UGT1A10: variants seen among roughly 807,000 people sequenced by gnomAD.
UGT1A10 encodes UDP glucuronosyltransferase family 1 member A10.
A neutral mutation model predicts 45.8 loss-of-function variants in UGT1A10; 49 were observed. The ratio of observed to expected loss-of-function variants is 1.07; its 90% CI spans 0.85 to 1.36. UGT1A10 has a LOEUF of 1.36. UGT1A10 is among the 40% of genes most tolerant of loss of function. The probability of loss-of-function intolerance (pLI) is 0.00; values close to 1 mark genes in which losing one functional copy is unlikely to be tolerated. For missense variants in UGT1A10, 745 were observed against 668.6 expected (o/e 1.11, Z -1.26); for synonymous variants, 284 against 249.7 (o/e 1.14, Z -1.29).
At chr2:233,713,345 CA>C in intron 1 of UGT1A10, 1 of 1,614,188 alleles carries the variant, frequency 6.2e-7, no homozygotes, top group Admixed American at 1.7e-5. Flanking sequence ...CAATTATGAA[CA>C]ATATGTCTTT....
chr2:233,696,816 T>A (rs562285959), intron 1 of UGT1A10, among the ~76,000 whole-genome samples: 1 of 152,328 alleles, frequency 6.6e-6, no homozygotes, highest in Admixed American at 6.5e-5. Flanking sequence ...GCCAGTTTAT[T>A]GAGAGTGTGT....
chr2:233,760,562 T>C (rs1218423176), intron 1 of UGT1A10: 6 of 1,614,228 alleles, frequency 3.7e-6, no homozygotes, highest in East Asian at 2.2e-5. Flanking sequence ...AAAGAGTCTT[T>C]TGTTAGTCTC....
chr2:233,701,897 G>T (rs1185390502), intron 1 of UGT1A10, among the ~76,000 whole-genome samples: 1 of 152,020 alleles, frequency 6.6e-6, no homozygotes, highest in Non-Finnish European at 1.5e-5. Flanking sequence ...AAGCAGAAAA[G>T]ATCTAAAATT....
chr2:233,677,311 C>T (rs2074387124), intron 1 of UGT1A10, among the ~76,000 whole-genome samples: 1 of 152,062 alleles, frequency 6.6e-6, no homozygotes, highest in South Asian at 2.1e-4. Flanking sequence ...ATCCAGTTTT[C>T]AAGTGTTCAT....
rs1427279208 is a variant in UGT1A10 at position 233,769,059 on chromosome 2, C to T, written c.1295+620C>T. Among the ~76,000 whole-genome samples, 3 of 152,006 alleles carry T rather than the reference C, an allele frequency of 2.0e-5. No individual in the cohort carries two copies. Among genetic ancestry groups the T allele is most frequent in the African/African-American group, 4.8e-5 (2 of 41,348 alleles). ...ACATCTGATCCATAAGTTTCCTGCA[C>T]AGAAAGAAATACTCCATTATAAGAA... is the stretch of plus-strand genomic sequence containing the variant. On this transcript the variant is annotated intron_variant, in intron 4 of 4. Transcript: ENST00000344644. The surrounding 1 kb of genome is among the most constrained non-coding windows in gnomAD (Gnocchi z 4.4).
intron 1 of UGT1A10, among the ~76,000 whole-genome samples, chr2:233,766,144 C>T (rs2126022792): frequency 6.6e-6 from 1 of 152,268 alleles, no homozygotes; most frequent in South Asian, 2.1e-4. Flanking sequence ...TCGAATCCCA[C>T]CTGGGCTTGG....
chr2:233,637,344 T>G lies in UGT1A10; in HGVS notation c.822T>G (p.Gly274=), dbSNP rs777704464. Reference sequence around the variant, plus strand: ...TGCCCAACATGATCTTCATTGGTGGTATCAACTGTCATCAGGGAAAGCCAT... The same window carrying G: ...TGCCCAACATGATCTTCATTGGTGGGATCAACTGTCATCAGGGAAAGCCAT... ...PVMPNMIFIG[G]INCHQGKPLP... Residue 274 remains glycine (G), a synonymous_variant, in exon 1 of 5, where the codon GGT becomes GGG. Transcript: ENST00000344644. The G allele has an allele frequency of 3.1e-6, 5 of 1,613,900 alleles. No individual in the cohort carries two copies. The Admixed American group carries it at 8.3e-5, about 27-fold the overall frequency.
chr2:233,690,814 G>C, intron 1 of UGT1A10: 1 of 1,077,024 alleles, frequency 9.3e-7, no homozygotes, highest in Admixed American at 4.8e-5. Context: ...TCTTAGTACA[G>C]TCAAAGCTCA....
chr2:233,721,961 A>G (rs2076983118), intron 1 of UGT1A10: 1 of 312,750 alleles, frequency 3.2e-6, no homozygotes, highest in Admixed American at 3.8e-5. Flanking sequence ...TTGTATATGC[A>G]TACATTGATG....
At chr2:233,719,027 C>T in intron 1 of UGT1A10, 1 of 1,614,228 alleles carries the variant, frequency 6.2e-7, no homozygotes, top group Non-Finnish European at 8.5e-7. Flanking sequence ...ATATGCACAT[C>T]AAAGAAGAGA....
rs115410088 is a variant in UGT1A10, at chr2:233,772,335, T to C, written c.1369T>C (p.Phe457Leu). Residue 457 changes from phenylalanine to leucine, a missense_variant, in exon 5 of 5, where the codon TTC becomes CTC. Phe to Leu is a conservative substitution (Grantham distance 22, BLOSUM62 0). Coordinates refer to ENST00000344644, the MANE Select transcript of UGT1A10 (RefSeq NM_019075.4). ...GGTGGAGCCGCTGGACCTGGCCGTG[T>C]TCTGGGTGGAGTTTGTGATGAGGCA... Reference protein sequence around the residue: ...RPVEPLDLAVFWVEFVMRHKG... With the variant: ...RPVEPLDLAVLWVEFVMRHKG... The C allele has an allele frequency of 2.5e-5, 41 of 1,614,238 alleles. No individual in the cohort carries two copies. Among genetic ancestry groups the C allele is most frequent in the Non-Finnish European group, 3.4e-5 (40 of 1,180,030 alleles).
chr2:233,724,371 C>T (rs1285685419), intron 1 of UGT1A10, among the ~76,000 whole-genome samples: 4 of 147,620 alleles, frequency 2.7e-5, no homozygotes, highest in African/African-American at 1.0e-4. Flanking sequence ...GACGGGGTGG[C>T]TGCCGGGCGG....
chr2:233,770,282 A>G (rs1416601751), intron 4 of UGT1A10: 1 of 152,218 alleles, frequency 6.6e-6, no homozygotes, highest in Admixed American at 6.5e-5. Context: ...CAAAATAAAA[A>G]GAAGTGGAAA....
At position 233,701,798 on chromosome 2, in the gene UGT1A10, A is replaced by T. The variant is rs1186220226; in HGVS notation, c.855+64421A>T. Among the ~76,000 whole-genome samples, 3 of 152,228 alleles carry T rather than the reference A, an allele frequency of 2.0e-5. No homozygotes were observed. In the East Asian group the frequency reaches 5.8e-4, roughly 29 times the overall value. ...ATAAAGGTGTTCTTTGAAATCAACG[A>T]GAACAAAGACACAACATACCAGAAT... On this transcript the variant is annotated intron_variant, in intron 1 of 4. Transcript: ENST00000344644.
chr2:233,647,779 CT>C, intron 1 of UGT1A10: 1 of 541,324 alleles, frequency 1.8e-6, no homozygotes, highest in Non-Finnish European at 3.0e-6. Context: ...GTCTTTTTTC[CT>C]AATCAGTCTG....
intron 1 of UGT1A10, among the ~76,000 whole-genome samples, chr2:233,660,340 A>G (rs1456918797): frequency 6.6e-6 from 1 of 152,194 alleles, no homozygotes; most frequent in Non-Finnish European, 1.5e-5. Flanking sequence ...TGGCTGAATT[A>G]GAGATGATGT....
chr2:233,697,019 A>G (rs2075370306), intron 1 of UGT1A10, among the ~76,000 whole-genome samples: 2 of 151,960 alleles, frequency 1.3e-5, no homozygotes, highest in South Asian at 4.1e-4. Flanking sequence ...TTCGTCAGAG[A>G]TATGGGCCCG....
intron 1 of UGT1A10, among the ~76,000 whole-genome samples, chr2:233,749,634 C>A (rs1417032704): frequency 6.6e-6 from 1 of 151,820 alleles, no homozygotes; most frequent in East Asian, 1.9e-4. Context: ...GTATCCCCCA[C>A]CAAATCTCAT....
intron 1 of UGT1A10, among the ~76,000 whole-genome samples, chr2:233,745,499 C>T (rs763251786): frequency 6.6e-6 from 1 of 151,510 alleles, no homozygotes; most frequent in Non-Finnish European, 1.5e-5. Context: ...TCTAAGATTT[C>T]CTATAGGGTA....
Sources: allele counts gnomAD v4.1 joint callset (sites outside exome capture counted in the v4.1 genomes callset), GRCh38; gene constraint gnomAD v4.1.1; non-coding constraint Gnocchi (gnomAD v3.1); transcripts MANE v1.5; gene names NCBI Gene and HGNC (gene_info 2026-07-23, HGNC 2026-07-21).